Variants in LRRC20 observed in about 807,000 individuals in gnomAD.
LRRC20 encodes the protein leucine-rich repeat-containing protein 20.
A neutral mutation model predicts 14.4 loss-of-function variants in LRRC20; 11 were observed. The ratio of observed to expected loss-of-function variants is 0.77; its 90% CI spans 0.48 to 1.27. LRRC20 has a LOEUF of 1.27. Ranked by LOEUF, LRRC20 falls within the 50% of genes most tolerant of loss-of-function variation. LRRC20 has a pLI of 0.00. For synonymous variants in LRRC20, 121 were observed against 107.3 expected (o/e 1.13, Z -0.79); for missense variants, 219 against 251.2 (o/e 0.87, Z 0.87).
At chr10:70,339,481 G>A (rs2137013686) in intron 3 of LRRC20, among the ~76,000 whole-genome samples, 1 of 152,212 alleles carries the variant, frequency 6.6e-6, no homozygotes, top group Non-Finnish European at 1.5e-5. Flanking sequence ...GAGGCTGGAA[G>A]GGGGGCATGG....
At chr10:70,378,722 A>G (rs1410530057) in intron 1 of LRRC20, among the ~76,000 whole-genome samples, 4 of 146,214 alleles carry the variant, frequency 2.7e-5, no homozygotes, top group Non-Finnish European at 6.0e-5. Context: ...CAGTGAGCCG[A>G]GATTGTGTCA....
rs1482686528 is a variant in LRRC20, at chr10:70,301,310, C to T, written c.*44G>A. Reference sequence around the variant, plus strand: ...CCTCCCTCCCTTCCAGGGTTCCAGGCCTGTGGCCTCTGCCCCTTGCTGGGT... The same window carrying T: ...CCTCCCTCCCTTCCAGGGTTCCAGGTCTGTGGCCTCTGCCCCTTGCTGGGT... On this transcript the variant is annotated 3_prime_UTR_variant, in exon 5 of 5. Transcript: ENST00000446961. 6.3e-7 allele frequency: 1 copy of T among 1,589,090 alleles called. No individual in the cohort carries two copies. Among genetic ancestry groups the T allele is most frequent in the South Asian group, 1.1e-5 (1 of 87,960 alleles).
intron 2 of LRRC20, among the ~76,000 whole-genome samples, chr10:70,364,349 C>A (rs1276499755): frequency 1.3e-5 from 2 of 152,226 alleles, no homozygotes; most frequent in Non-Finnish European, 2.9e-5. Context: ...TGTCTGCCTC[C>A]CCTCCAGACT....
At position 70,356,807 on chromosome 10, in the gene LRRC20, C is replaced by T. The variant is rs1419945774; in HGVS notation, c.83-16105G>A. ...CGGAGGTTGCAGTGAGCCAAGATCGCGCCACTGCACTCCAGCCTGGGCAAC... is the reference window on the plus strand; with the variant it reads ...CGGAGGTTGCAGTGAGCCAAGATCGTGCCACTGCACTCCAGCCTGGGCAAC... On this transcript the variant is annotated intron_variant, in intron 2 of 4. Coordinates refer to ENST00000446961, the MANE Select transcript of LRRC20 (RefSeq NM_001278212.2). Among the ~76,000 whole-genome samples the T allele has an allele frequency of 4.0e-5, 6 of 148,644 alleles. No individual in the cohort carries two copies. The East Asian group carries it at 8.2e-4, about 20-fold the overall frequency.
At chr10:70,330,988 A>T (rs1842515391) in intron 3 of LRRC20, among the ~76,000 whole-genome samples, 1 of 152,218 alleles carries the variant, frequency 6.6e-6, no homozygotes, top group Non-Finnish European at 1.5e-5. Flanking sequence ...GTCTCGCCCT[A>T]CATCTTCCTG....
intron 4 of LRRC20, among the ~76,000 whole-genome samples, chr10:70,311,583 C>T (rs1841668861): frequency 1.3e-5 from 2 of 152,138 alleles, no homozygotes; most frequent in African/African-American, 2.4e-5. Flanking sequence ...TCTGGGGTTA[C>T]TTCTATCTCT....
chr10:70,375,270 G>C (rs370604203), intron 2 of LRRC20, among the ~76,000 whole-genome samples: 1 of 152,160 alleles, frequency 6.6e-6, no homozygotes, highest in African/African-American at 2.4e-5. Context: ...ACTTCCACAC[G>C]TTTACAAAGT....
intron 2 of LRRC20, among the ~76,000 whole-genome samples, chr10:70,347,830 A>C (rs900921113): frequency 1.3e-4 from 19 of 151,006 alleles, no homozygotes; most frequent in Non-Finnish European, 2.7e-4. Flanking sequence ...AAAAAAAAAA[A>C]AAACCCAAAA....
In LRRC20 at chr10:70,300,511, G is replaced by A; in HGVS notation, c.*843C>T. On this transcript the variant is annotated 3_prime_UTR_variant, in exon 5 of 5. Transcript: ENST00000446961. Reference sequence around the variant, plus strand: ...CCAGGCTGCTGCTGGACTGGACAGTGGTGAGGGTGGCCATCTAATCACTTT... The same window carrying A: ...CCAGGCTGCTGCTGGACTGGACAGTAGTGAGGGTGGCCATCTAATCACTTT... The A allele has an allele frequency of 1.0e-6, 1 of 985,502 alleles. No individual in the cohort carries two copies. The highest frequency in any genetic ancestry group is 1.2e-6 in the Non-Finnish European group (1 of 829,996). The allele number at this position is 985,502 out of a possible 1,614,324, so 61.0% of individuals were successfully genotyped here.
chr10:70,316,691 T>A (rs890119477), intron 4 of LRRC20, among the ~76,000 whole-genome samples: 23 of 152,376 alleles, frequency 1.5e-4, no homozygotes, highest in Non-Finnish European at 2.9e-4. Context: ...ATGCCTAATT[T>A]GCATTAATTG....
intron 4 of LRRC20, among the ~76,000 whole-genome samples, chr10:70,302,685 C>T (rs1170073773): frequency 6.6e-6 from 1 of 151,572 alleles, no homozygotes; most frequent in African/African-American, 2.4e-5. Flanking sequence ...TCAGGATGGG[C>T]AACATAGTGA....
rs370771551 is a variant in LRRC20, at chr10:70,340,649, G to A, written c.136C>T (p.Arg46Trp). ...AGGTGGATCTGGCCAGAGACATTCC[G>A]CAGGACCTTGTAGATGCCAATGGGA... is the stretch of plus-strand genomic sequence containing the variant. ...SFPIGIYKVL[R>W]NVSGQIHLIT... The change falls in exon 3 of 5, where the codon CGG becomes TGG. Residue 46 changes from arginine (R) to tryptophan (W), a missense_variant. Transcript: ENST00000446961. 2.0e-5 allele frequency: 32 copies of A among 1,614,072 alleles called. No individual in the cohort carries two copies. In the Admixed American group the frequency reaches 3.5e-4, roughly 18 times the overall value.
rs77116003 is a variant in LRRC20, at chr10:70,351,593, T to C, written c.83-10891A>G. The stretch of plus-strand genomic sequence containing the variant: ...AAAGGACATTATAAACATTTTCTTT[T>C]TAATTATTGTAAAATACACATAACA... On this transcript the variant is annotated intron_variant, in intron 2 of 4. Transcript: ENST00000446961. Among the ~76,000 whole-genome samples, 28 of 152,364 alleles carry C rather than the reference T, an allele frequency of 1.8e-4. No homozygotes were observed. The East Asian group carries it at 5.2e-3, about 28-fold the overall frequency.
rs1841129912 is a variant in LRRC20 at position 70,300,497 on chromosome 10, C to A, written c.*857G>T. ...CCATGACAAGGCAGCCAGGCTGCTG[C>A]TGGACTGGACAGTGGTGAGGGTGGC... On this transcript the variant is annotated 3_prime_UTR_variant, in exon 5 of 5. Transcript: ENST00000446961. The A allele has an allele frequency of 1.0e-6, 1 of 985,418 alleles. No individual in the cohort carries two copies. The highest frequency in any genetic ancestry group is 1.2e-6 in the Non-Finnish European group (1 of 830,020). 61.0% of individuals were successfully genotyped at this position (985,418 alleles called of 1,614,324 possible).
intron 4 of LRRC20, among the ~76,000 whole-genome samples, chr10:70,323,527 G>T (rs536317692): frequency 1.3e-5 from 2 of 152,208 alleles, no homozygotes; most frequent in Non-Finnish European, 2.9e-5. Context: ...AAAGTACACA[G>T]AGGGCCAGAG....
rs758484869 is a variant in LRRC20 at position 70,323,972 on chromosome 10, C to T, written c.291G>A (p.Gln97=). The change falls in exon 4 of 5, where the codon CAG becomes CAA. Residue 97 remains glutamine (Q), a synonymous_variant. Coordinates refer to ENST00000446961, the MANE Select transcript of LRRC20 (RefSeq NM_001278212.2). ...HRLPSEVSAL[Q]HLKAIDLSRN... ...GGGACAGGTCAATGGCCTTGAGGTG[C>T]TGCAGGGCACTGACCTCGCTGGGGA... 6.2e-7 allele frequency: 1 copy of T among 1,613,760 alleles called. No individual in the cohort carries two copies. Among genetic ancestry groups the T allele is most frequent in the East Asian group, 2.2e-5 (1 of 44,880 alleles).
intron 1 of LRRC20, among the ~76,000 whole-genome samples, chr10:70,382,156 C>A (rs1046507586): frequency 6.6e-6 from 1 of 152,230 alleles, no homozygotes; most frequent in Non-Finnish European, 1.5e-5. Context: ...CGGAAGCAAA[C>A]CCCGAAAGTG....
At chr10:70,327,630 T>C (rs527293432) in intron 3 of LRRC20, among the ~76,000 whole-genome samples, 3 of 152,172 alleles carry the variant, frequency 2.0e-5, no homozygotes, top group African/African-American at 2.4e-5. Context: ...ACTATGCTAA[T>C]AGAGCACTAC....
intron 4 of LRRC20, among the ~76,000 whole-genome samples, chr10:70,310,479 G>C (rs1410969101): frequency 6.6e-6 from 1 of 152,084 alleles, no homozygotes; most frequent in Admixed American, 6.6e-5. Flanking sequence ...GCTCAAGGGC[G>C]GCTTCCTTTG....
Sources: allele counts gnomAD v4.1 joint callset (sites outside exome capture counted in the v4.1 genomes callset), GRCh38; gene constraint gnomAD v4.1.1; transcripts MANE v1.5; gene names NCBI Gene and HGNC (gene_info 2026-07-23, HGNC 2026-07-21).